The following SND1 variants were observed in gnomAD, a reference collection of about 807,000 sequenced individuals.
SND1 encodes the protein staphylococcal nuclease and tudor domain containing 1.
Under a neutral mutation model 121.7 loss-of-function variants are expected in SND1, and 38 were observed. That is an observed-to-expected ratio of 0.31 (90% confidence interval 0.24 to 0.41). The LOEUF is 0.41. Ranked by LOEUF, SND1 falls within the 10% of genes least tolerant of loss-of-function variation. The pLI is 1.00. For synonymous variants in SND1, 401 were observed against 447.4 expected, an observed-to-expected ratio of 0.90 and a Z score of 1.31; for missense variants, 868 against 1,184.6, an observed-to-expected ratio of 0.73 and a Z score of 3.92.
intron 10 of SND1, among the ~76,000 whole-genome samples, chr7:127,740,864 C>T (rs947866576): frequency 3.9e-5 from 6 of 152,094 alleles, no homozygotes; most frequent in African/African-American, 1.4e-4. Flanking sequence ...ACATCAAAAC[C>T]AAATCAAATC....
At chr7:127,902,199 C>T (rs916045373) in intron 13 of SND1, among the ~76,000 whole-genome samples, 1 of 152,170 alleles carries the variant, frequency 6.6e-6, no homozygotes, top group African/African-American at 2.4e-5. Context: ...GAGATGTTCT[C>T]CAGCCCCAGG....
At chr7:128,074,343 A>G (rs1793468421) in intron 16 of SND1, among the ~76,000 whole-genome samples, 159 bp from the exon 17 acceptor site, 1 of 152,142 alleles carries the variant, frequency 6.6e-6, no homozygotes, top group Non-Finnish European at 1.5e-5. Context: ...TGTTCCCGTG[A>G]GAGGCTGAAA....
At chr7:127,921,369 T>G (rs1162284545) in intron 14 of SND1, among the ~76,000 whole-genome samples, 2 of 152,176 alleles carry the variant, frequency 1.3e-5, no homozygotes, top group Non-Finnish European at 2.9e-5. Flanking sequence ...CTTTTTAAAT[T>G]TTTTAAGTAT....
intron 12 of SND1, among the ~76,000 whole-genome samples, chr7:127,855,484 T>G (rs773292980): frequency 2.4e-4 from 37 of 151,212 alleles, no homozygotes; most frequent in Non-Finnish European, 5.5e-4. Flanking sequence ...TATTAGATAC[T>G]GTGTAATCAT....
rs1050105369 is a variant in SND1, at chr7:128,086,749, G to T, written c.2305-189G>T. On this transcript the variant is annotated intron_variant, in intron 20 of 23. Transcript: ENST00000354725. ...GAGCTCCCCATCTACTGCTGGACCA[G>T]CAGGGCACGTTCTCTCCAGGCTTCA... 4.5e-5 allele frequency: 28 copies of T among 629,098 alleles called. No homozygotes were observed. In the East Asian group the frequency reaches 7.7e-4, roughly 17 times the overall value. The allele number at this position is 629,098 out of a possible 1,614,324, so 39.0% of individuals were successfully genotyped here.
At chr7:127,663,206 T>G (rs1161393390) in intron 1 of SND1, among the ~76,000 whole-genome samples, 3 of 152,132 alleles carry the variant, frequency 2.0e-5, no homozygotes, top group Non-Finnish European at 4.4e-5. Flanking sequence ...CTTTAAATCA[T>G]GTCTAGGTTA....
At chr7:127,932,190 G>A (rs1800968879) in intron 15 of SND1, among the ~76,000 whole-genome samples, 1 of 152,244 alleles carries the variant, frequency 6.6e-6, no homozygotes, top group South Asian at 2.1e-4. Context: ...GAGAACATTT[G>A]TGATTCATGG....
intron 1 of SND1, among the ~76,000 whole-genome samples, chr7:127,662,389 A>G (rs910894142): frequency 6.6e-6 from 1 of 152,128 alleles, no homozygotes; most frequent in African/African-American, 2.4e-5. Flanking sequence ...GTTTGGATGT[A>G]TATTATCTAT....
intron 1 of SND1, among the ~76,000 whole-genome samples, chr7:127,683,480 G>C (rs891761898): frequency 1.3e-5 from 2 of 152,202 alleles, no homozygotes; most frequent in African/African-American, 2.4e-5. Context: ...TCCTCCCAAA[G>C]TGCTGAGATT....
chr7:127,788,539 T>C (rs759982261), intron 10 of SND1, among the ~76,000 whole-genome samples: 2 of 152,230 alleles, frequency 1.3e-5, no homozygotes, highest in Non-Finnish European at 2.9e-5. Context: ...TACCCTCCTT[T>C]AGCTGCCATT....
chr7:127,801,585 A>G (rs1172386604), intron 10 of SND1, among the ~76,000 whole-genome samples: 1 of 152,174 alleles, frequency 6.6e-6, no homozygotes. Context: ...TGTCCATGGC[A>G]TGGACATTGC....
intron 16 of SND1, among the ~76,000 whole-genome samples, chr7:128,003,654 A>G (rs1316007616): frequency 6.6e-6 from 1 of 152,212 alleles, no homozygotes; most frequent in Non-Finnish European, 1.5e-5. Flanking sequence ...GGGTTTTCAT[A>G]GCAGTGCTGC....
chr7:127,668,430 T>C (rs898420514), intron 1 of SND1, among the ~76,000 whole-genome samples: 2 of 152,200 alleles, frequency 1.3e-5, no homozygotes, highest in Non-Finnish European at 2.9e-5. Context: ...CATAAGAGAA[T>C]AATTGTTTAG....
intron 12 of SND1, among the ~76,000 whole-genome samples, chr7:127,871,376 A>G (rs574762591): frequency 3.5e-4 from 53 of 152,316 alleles, no homozygotes; most frequent in East Asian, 7.7e-4. Flanking sequence ...TAGGATTCAC[A>G]GTGCGGTAGG....
At chr7:127,950,033 T>C (rs1801426074) in intron 15 of SND1, among the ~76,000 whole-genome samples, 1 of 152,224 alleles carries the variant, frequency 6.6e-6, no homozygotes, top group African/African-American at 2.4e-5. Context: ...AAAGAGACTG[T>C]GGTCACCAGG....
At chr7:127,813,002 C>CA (rs1219061947) in intron 11 of SND1, among the ~76,000 whole-genome samples, 1 of 152,220 alleles carries the variant, frequency 6.6e-6, no homozygotes, top group Non-Finnish European at 1.5e-5. Context: ...ATGATCAAAG[C>CA]AGGCCCTAAG....
In SND1 at chr7:128,029,620, C is replaced by T; in HGVS notation, c.1779+38564C>T. The T allele has an allele frequency of 2.5e-6, 4 of 1,613,998 alleles. No individual in the cohort carries two copies. The highest frequency in any genetic ancestry group is 3.4e-6 in the Non-Finnish European group (4 of 1,180,004). ...TGGAAGGAGGCCTGGTCCACCTCCA[C>T]GAGGTAGCGGCCTCGCATGTGCATG... On this transcript the variant is annotated intron_variant, in intron 16 of 23. Coordinates refer to ENST00000354725, the MANE Select transcript of SND1 (RefSeq NM_014390.4). The surrounding 1 kb of genome is among the most constrained non-coding windows in gnomAD (Gnocchi z 4.2).
intron 10 of SND1, among the ~76,000 whole-genome samples, chr7:127,734,250 G>C (rs1008338198): frequency 6.6e-6 from 1 of 152,108 alleles, no homozygotes; most frequent in African/African-American, 2.4e-5. Flanking sequence ...GAGGATTCCA[G>C]TGAAAGGAGA....
chr7:127,799,056 T>TA (rs999732023), intron 10 of SND1, among the ~76,000 whole-genome samples: 9 of 152,074 alleles, frequency 5.9e-5, no homozygotes, highest in African/African-American at 2.2e-4. Context: ...GAACAAAAAT[T>TA]AAAAAGCACG....
Sources: gnomAD v4.1 joint callset for allele counts (sites outside exome capture counted in the v4.1 genomes callset) on GRCh38, gnomAD v4.1.1 for gene constraint, Gnocchi (gnomAD v3.1) non-coding constraint, MANE v1.5 for transcripts, NCBI Gene and HGNC (gene_info 2026-07-23, HGNC 2026-07-21) for gene names.